The following KCNIP4 variants were observed in gnomAD, a reference collection of about 807,000 sequenced individuals.
KCNIP4 encodes potassium voltage-gated channel interacting protein 4, also known as Kv channel-interacting protein 4.
A neutral mutation model predicts 34.0 loss-of-function variants in KCNIP4; 12 were observed. That is an observed-to-expected ratio of 0.35 (90% CI 0.23 to 0.57). The LOEUF is 0.57. Among genes scored for constraint, KCNIP4 ranks in the 20% least tolerant of loss-of-function variants. The pLI is 0.83. For missense variants in KCNIP4, 238 were observed against 311.7 expected, an observed-to-expected ratio of 0.76 and a Z score of 1.78; for synonymous variants, 124 against 102.2, an observed-to-expected ratio of 1.21 and a Z score of -1.29.
chr4:21,414,524 G>C (rs1460916378), intron 1 of KCNIP4, among the ~76,000 whole-genome samples: 4 of 152,060 alleles, frequency 2.6e-5, no homozygotes, highest in Non-Finnish European at 5.9e-5. Context: ...AAACATTATG[G>C]AAGAACCACC....
intron 3 of KCNIP4, among the ~76,000 whole-genome samples, chr4:20,812,446 T>C (rs971470428): frequency 6.6e-6 from 1 of 151,924 alleles, no homozygotes; most frequent in Non-Finnish European, 1.5e-5. Flanking sequence ...TAAAGAACAA[T>C]GAGAGATATG....
intron 1 of KCNIP4, among the ~76,000 whole-genome samples, chr4:21,572,247 C>A (rs551562302): frequency 6.6e-6 from 1 of 152,072 alleles, no homozygotes; most frequent in Non-Finnish European, 1.5e-5. Context: ...TGTGATAGGA[C>A]CAGTTTTGAA....
chr4:21,682,013 T>G (rs929033757), intron 1 of KCNIP4, among the ~76,000 whole-genome samples: 1 of 152,010 alleles, frequency 6.6e-6, no homozygotes, highest in Non-Finnish European at 1.5e-5. Context: ...CTCAGCTTAC[T>G]GAGTGTCTGG....
intron 1 of KCNIP4, among the ~76,000 whole-genome samples, chr4:20,967,671 C>A (rs901490714): frequency 6.6e-6 from 1 of 152,158 alleles, no homozygotes; most frequent in East Asian, 1.9e-4. Context: ...CAGAAACAAG[C>A]AATGGGGAAG....
At chr4:21,463,083 A>C (rs571961035) in intron 1 of KCNIP4, among the ~76,000 whole-genome samples, 46 of 151,958 alleles carry the variant, frequency 3.0e-4, no homozygotes, top group African/African-American at 1.1e-3. Flanking sequence ...TTTTTTGAGA[A>C]ATCTCCATAT....
intron 1 of KCNIP4, among the ~76,000 whole-genome samples, chr4:21,881,963 G>A (rs183231922): frequency 3.9e-4 from 60 of 152,170 alleles, no homozygotes; most frequent in Non-Finnish European, 6.9e-4. Context: ...AAGATACTAC[G>A]CATGGAAAAG....
intron 1 of KCNIP4, among the ~76,000 whole-genome samples, chr4:21,401,273 C>T (rs563755958): frequency 6.6e-6 from 1 of 152,216 alleles, no homozygotes; most frequent in Non-Finnish European, 1.5e-5. Flanking sequence ...AGTTTATTTT[C>T]CATTCTCCAT....
chr4:20,879,509 A>C (rs2149520715), intron 2 of KCNIP4, among the ~76,000 whole-genome samples: 1 of 152,332 alleles, frequency 6.6e-6, no homozygotes, highest in South Asian at 2.1e-4. Flanking sequence ...TTTGGGACTT[A>C]GAAGTTTTGC....
intron 1 of KCNIP4, among the ~76,000 whole-genome samples, chr4:21,580,726 C>T (rs1741140276): frequency 1.3e-5 from 2 of 152,088 alleles, no homozygotes; most frequent in African/African-American, 2.4e-5. Flanking sequence ...ATGGTAAATG[C>T]CCAATCTTAC....
chr4:20,928,180 T>A (rs1249926303), intron 1 of KCNIP4, among the ~76,000 whole-genome samples: 3 of 151,992 alleles, frequency 2.0e-5, no homozygotes, highest in African/African-American at 7.2e-5. Context: ...TAAATTATAT[T>A]ATCCTTATTG....
chr4:21,288,461 A>G (rs1430137645), intron 1 of KCNIP4, among the ~76,000 whole-genome samples: 1 of 152,244 alleles, frequency 6.6e-6, no homozygotes, highest in Non-Finnish European at 1.5e-5. Flanking sequence ...ATTTTGGAAA[A>G]TAATTGACAG....
At chr4:21,348,723 T>C (rs1224517183) in intron 1 of KCNIP4, among the ~76,000 whole-genome samples, 1 of 152,220 alleles carries the variant, frequency 6.6e-6, no homozygotes, top group Non-Finnish European at 1.5e-5. Flanking sequence ...ATATTTTACT[T>C]ATTCATTACA....
chr4:21,213,329 T>C (rs1215522513), intron 1 of KCNIP4, among the ~76,000 whole-genome samples: 2 of 152,206 alleles, frequency 1.3e-5, no homozygotes, highest in South Asian at 4.1e-4. Flanking sequence ...TGAGATGGGA[T>C]CTTGCTCTGT....
chr4:21,105,356 C>A, intron 1 of KCNIP4, among the ~76,000 whole-genome samples: 1 of 151,440 alleles, frequency 6.6e-6, no homozygotes. Context: ...CTCTTTGAAG[C>A]AATTGTGAAT....
intron 3 of KCNIP4, among the ~76,000 whole-genome samples, chr4:20,790,693 T>A (rs1418813794): frequency 6.6e-6 from 1 of 152,092 alleles, no homozygotes; most frequent in African/African-American, 2.4e-5. Context: ...GAAGACCTTC[T>A]AGGGAAATAA....
At chr4:20,919,969 C>T (rs1729231318) in intron 1 of KCNIP4, among the ~76,000 whole-genome samples, 1 of 152,072 alleles carries the variant, frequency 6.6e-6, no homozygotes, top group Non-Finnish European at 1.5e-5. Flanking sequence ...CTGAAGAGGA[C>T]CTGCTCGCTA....
At chr4:21,379,063 CTG>C (rs949106443) in intron 1 of KCNIP4, among the ~76,000 whole-genome samples, 1 of 152,120 alleles carries the variant, frequency 6.6e-6, no homozygotes, top group African/African-American at 2.4e-5. Context: ...ATATATCATA[CTG>C]TGAGATTTTT....
intron 1 of KCNIP4, among the ~76,000 whole-genome samples, chr4:20,887,498 A>T (rs1725437871): frequency 6.6e-6 from 1 of 152,026 alleles, no homozygotes; most frequent in South Asian, 2.1e-4. Context: ...TAAAATGAAA[A>T]GAGAAGAAAA....
intron 1 of KCNIP4, among the ~76,000 whole-genome samples, chr4:21,141,828 A>G (rs903592471): frequency 6.6e-5 from 10 of 152,092 alleles, no homozygotes; most frequent in African/African-American, 2.4e-4. Context: ...GTGAGTTTGT[A>G]TATAGTTTCA....
Sources: allele counts gnomAD v4.1 joint callset (sites outside exome capture counted in the v4.1 genomes callset), GRCh38; gene constraint gnomAD v4.1.1; transcripts MANE v1.5; gene names NCBI Gene and HGNC (gene_info 2026-07-23, HGNC 2026-07-21).